The following HTRA1 variants were observed in gnomAD, a reference collection of about 807,000 sequenced individuals.
HTRA1 encodes HtrA serine peptidase 1, also known as serine protease HTRA1.
A neutral mutation model predicts 49.7 loss-of-function variants in HTRA1; 26 were observed. That is an observed-to-expected ratio of 0.52 (90% CI 0.38 to 0.73). The LOEUF is 0.73. Ranked by LOEUF, HTRA1 falls within the 30% of genes least tolerant of loss-of-function variation. The pLI is 0.00. For synonymous variants in HTRA1, 291 were observed against 286.9 expected (o/e 1.01, Z -0.14); for missense variants, 561 against 667.2 (o/e 0.84, Z 1.75).
At chr10:122,474,371 G>A (rs1337773246) in intron 1 of HTRA1, among the ~76,000 whole-genome samples, 1 of 152,134 alleles carries the variant, frequency 6.6e-6, no homozygotes, top group Non-Finnish European at 1.5e-5. Context: ...ATGGGGGCTG[G>A]GTACTGCTTG....
In HTRA1 at chr10:122,470,408, G is replaced by A. The variant is rs1226987909; in HGVS notation, c.472+8284G>A. Among the ~76,000 whole-genome samples the A allele has an allele frequency of 8.5e-5, 13 of 152,186 alleles. 1 individual carries two copies. Among genetic ancestry groups the A allele is most frequent in the Non-Finnish European group, 1.5e-4 (10 of 67,988 alleles). ...AGCTTCGTCAACTCCTAAAGCTTCA[G>A]TGCTAGGAATCCTAAAGCATTGAAA... On this transcript the variant is annotated intron_variant, in intron 1 of 8. Coordinates refer to ENST00000368984, the MANE Select transcript of HTRA1 (RefSeq NM_002775.5).
chr10:122,506,891 C>A lies in HTRA1; in HGVS notation c.972+6C>A, dbSNP rs779356919. On this transcript the variant is annotated splice_donor_region_variant and intron_variant, in intron 4 of 8. Transcript: ENST00000368984. This position sits in a 1 kb window ranked among gnomAD's most constrained non-coding sequence, Gnocchi z 5.2. ...AGACCGACGCCATCATCAACGTGAG[C>A]CTCTGTCCCTCTGCGGGTGGGGATT... The A allele has an allele frequency of 1.2e-6, 2 of 1,612,376 alleles. No individual in the cohort carries two copies. Among genetic ancestry groups the A allele is most frequent in the Non-Finnish European group, 1.7e-6 (2 of 1,179,266 alleles).
chr10:122,491,459 A>G (rs572097409), intron 3 of HTRA1, among the ~76,000 whole-genome samples: 3 of 152,366 alleles, frequency 2.0e-5, no homozygotes, highest in Admixed American at 6.5e-5. Context: ...GGACCTGTTC[A>G]GCCTCATGGA....
At chr10:122,497,950 G>A (rs768578461) in intron 3 of HTRA1, among the ~76,000 whole-genome samples, 3 of 152,146 alleles carry the variant, frequency 2.0e-5, no homozygotes, top group African/African-American at 4.8e-5. Flanking sequence ...TGGATGCCCC[G>A]AATATATACA....
intron 3 of HTRA1, among the ~76,000 whole-genome samples, chr10:122,505,740 TG>T (rs1307822056): frequency 6.6e-6 from 1 of 152,358 alleles, no homozygotes; most frequent in African/African-American, 2.4e-5. Flanking sequence ...TTTCTGGGCC[TG>T]GTCCATGTTG....
At chr10:122,513,140 T>A (rs1565438686) in intron 8 of HTRA1, among the ~76,000 whole-genome samples, 1 of 152,110 alleles carries the variant, frequency 6.6e-6, no homozygotes, top group Admixed American at 6.6e-5. Flanking sequence ...TGGAGCCCTT[T>A]ACAGAAAAAG....
Position 122,505,676 on chromosome 10 carries a change from C to T in HTRA1, c.778-1015C>T, listed in dbSNP as rs964536939. On this transcript the variant is annotated intron_variant, in intron 3 of 8. Coordinates refer to ENST00000368984, the MANE Select transcript of HTRA1 (RefSeq NM_002775.5). Reference sequence around the variant, plus strand: ...CTGGCTCTTTCTTTGTTGAGATAGACGAATGTGAGGCTCTGGAGTTGCAGT... The same window carrying T: ...CTGGCTCTTTCTTTGTTGAGATAGATGAATGTGAGGCTCTGGAGTTGCAGT... Among the ~76,000 whole-genome samples the T allele has an allele frequency of 8.5e-5, 13 of 152,272 alleles. No individual in the cohort carries two copies. In the East Asian group the frequency reaches 9.7e-4, roughly 11 times the overall value.
intron 6 of HTRA1, among the ~76,000 whole-genome samples, chr10:122,509,285 A>T (rs181202274): frequency 6.6e-6 from 1 of 152,282 alleles, no homozygotes; most frequent in Admixed American, 6.5e-5. Context: ...ATAATCAAAC[A>T]CATAAGATAC....
At chr10:122,476,871 C>T (rs893462399) in intron 1 of HTRA1, among the ~76,000 whole-genome samples, 1 of 151,906 alleles carries the variant, frequency 6.6e-6, no homozygotes, top group African/African-American at 2.4e-5. Flanking sequence ...GGGCACCTGC[C>T]GATAAATTTC....
chr10:122,485,058 G>A (rs968881139), intron 1 of HTRA1, among the ~76,000 whole-genome samples: 6 of 152,218 alleles, frequency 3.9e-5, no homozygotes, highest in Admixed American at 3.9e-4. Flanking sequence ...GTAGTTTAAT[G>A]GACAAGCCCT....
At chr10:122,474,394 T>G (rs1436191467) in intron 1 of HTRA1, among the ~76,000 whole-genome samples, 1 of 152,140 alleles carries the variant, frequency 6.6e-6, no homozygotes, top group East Asian at 1.9e-4. Flanking sequence ...AGAACTGGCT[T>G]CTTCCTTGAT....
rs1002074745 is a variant in HTRA1, at chr10:122,489,772, C to T, written c.777+146C>T. 99 of 774,054 alleles carry T rather than the reference C, an allele frequency of 1.3e-4. No individual in the cohort carries two copies. The African/African-American group carries it at 1.4e-3, about 11-fold the overall frequency. The allele number at this position is 774,054 out of a possible 1,614,324, so 47.9% of individuals were successfully genotyped here. On this transcript the variant is annotated intron_variant, in intron 3 of 8. Coordinates refer to ENST00000368984, the MANE Select transcript of HTRA1 (RefSeq NM_002775.5). ...GTCACAGGAGGGCCTTGAGGAGATG[C>T]TGAGTATGGCCTGGGGGTGTGGGAG... is the stretch of plus-strand genomic sequence containing the variant.
At chr10:122,504,331 C>G (rs1044961428) in intron 3 of HTRA1, among the ~76,000 whole-genome samples, 1 of 152,222 alleles carries the variant, frequency 6.6e-6, no homozygotes, top group Admixed American at 6.5e-5. Context: ...GACATAGAGC[C>G]TGGGCCTGCC....
At chr10:122,483,136 C>T (rs1263304493) in intron 1 of HTRA1, among the ~76,000 whole-genome samples, 1 of 152,132 alleles carries the variant, frequency 6.6e-6, no homozygotes, top group African/African-American at 2.4e-5. Flanking sequence ...TGAAGCTTAT[C>T]TACACTGCCT....
At chr10:122,480,157 A>T (rs1001507712) in intron 1 of HTRA1, among the ~76,000 whole-genome samples, 1 of 152,210 alleles carries the variant, frequency 6.6e-6, no homozygotes, top group African/African-American at 2.4e-5. Context: ...GACATTCATG[A>T]TCTGAAGTCA....
chr10:122,484,451 G>A (rs780315776), intron 1 of HTRA1, among the ~76,000 whole-genome samples: 3 of 152,106 alleles, frequency 2.0e-5, no homozygotes, highest in Admixed American at 6.5e-5. Flanking sequence ...GTGACATGAC[G>A]ACGTCGTTAG....
At chr10:122,510,608 G>T (rs149564443) in intron 7 of HTRA1, among the ~76,000 whole-genome samples, 1 of 152,168 alleles carries the variant, frequency 6.6e-6, no homozygotes, top group African/African-American at 2.4e-5. Context: ...CAGGTCCAGC[G>T]CAGGGAAGTG....
intron 7 of HTRA1, 105 bp downstream of exon 7, chr10:122,510,258 C>A: frequency 1.1e-6 from 1 of 883,630 alleles, no homozygotes; most frequent in Non-Finnish European, 1.9e-6. Context: ...TGCCTTAAGA[C>A]GTCTCAGTTT....
chr10:122,510,514 G>C (rs754842969), intron 7 of HTRA1, among the ~76,000 whole-genome samples: 12 of 152,178 alleles, frequency 7.9e-5, no homozygotes, highest in Admixed American at 2.0e-4. Flanking sequence ...CATTCCAGGA[G>C]GGCCCCAAGC....
Sources: gnomAD v4.1 joint callset for allele counts (sites outside exome capture counted in the v4.1 genomes callset) on GRCh38, gnomAD v4.1.1 for gene constraint, Gnocchi (gnomAD v3.1) non-coding constraint, MANE v1.5 for transcripts, NCBI Gene and HGNC (gene_info 2026-07-23, HGNC 2026-07-21) for gene names.